Variants in IL1RAPL2 observed in about 807,000 individuals in gnomAD.
IL1RAPL2 encodes interleukin 1 receptor accessory protein like 2, also known as X-linked interleukin-1 receptor accessory protein-like 2.
A neutral mutation model predicts 44.1 loss-of-function variants in IL1RAPL2; 3 were observed. The observed-to-expected ratio is 0.07, with a 90% CI of 0.03 to 0.18. The LOEUF is 0.18. Among genes scored for constraint, IL1RAPL2 ranks in the 10% least tolerant of loss-of-function variants. IL1RAPL2 has a pLI of 1.00. For missense variants in IL1RAPL2, 391 were observed against 496.4 expected (o/e 0.79, Z 2.02); for synonymous variants, 181 against 178.8 (o/e 1.01, Z -0.10).
intron 2 of IL1RAPL2, among the ~76,000 whole-genome samples, chrX:104,989,722 C>A (rs1030539617): frequency 9.0e-6 from 1 of 110,699 alleles, no homozygotes; most frequent in Non-Finnish European, 1.9e-5. Flanking sequence ...TTAACCATGT[C>A]TGTAACTATA....
intron 2 of IL1RAPL2, among the ~76,000 whole-genome samples, chrX:104,671,582 T>C (rs150343230): frequency 1.8e-4 from 20 of 111,940 alleles, no homozygotes; most frequent in African/African-American, 6.5e-4. Flanking sequence ...GGTCATATTG[T>C]GATTTAGTTA....
chrX:104,881,493 A>G (rs1415938887), intron 2 of IL1RAPL2, among the ~76,000 whole-genome samples: 1 of 112,394 alleles, frequency 8.9e-6, no homozygotes, highest in Non-Finnish European at 1.9e-5. Flanking sequence ...ACAAAGAAAA[A>G]TAATTTCCAT....
intron 2 of IL1RAPL2, among the ~76,000 whole-genome samples, chrX:104,766,921 C>T (rs969969492): frequency 1.8e-5 from 2 of 112,021 alleles, no homozygotes; most frequent in East Asian, 5.6e-4. Context: ...TACACATTTG[C>T]AGGGTGGCTG....
intron 1 of IL1RAPL2, among the ~76,000 whole-genome samples, chrX:104,609,179 C>T (rs1929088258): frequency 8.9e-6 from 1 of 112,016 alleles, no homozygotes; most frequent in Non-Finnish European, 1.9e-5. Context: ...GAATATTGGC[C>T]CCCACTCTCT....
At chrX:105,367,003 T>C (rs754934186) in intron 5 of IL1RAPL2, among the ~76,000 whole-genome samples, 1 of 111,899 alleles carries the variant, frequency 8.9e-6, no homozygotes, top group Non-Finnish European at 1.9e-5. Flanking sequence ...GCTTGATTAG[T>C]TGCCCTGATG....
chrX:105,672,384 A>T (rs142301255), intron 6 of IL1RAPL2, among the ~76,000 whole-genome samples: 2 of 112,482 alleles, frequency 1.8e-5, no homozygotes, highest in African/African-American at 6.5e-5. Context: ...TGACAGCCAA[A>T]GTGAGAGTCT....
At chrX:105,634,134 G>A (rs997705873) in intron 6 of IL1RAPL2, among the ~76,000 whole-genome samples, 5 of 111,020 alleles carry the variant, frequency 4.5e-5, no homozygotes, top group Non-Finnish European at 9.5e-5. Flanking sequence ...CAGTGTCTAC[G>A]TGTCTGTACA....
chrX:105,100,033 T>C (rs1031764654), intron 2 of IL1RAPL2, among the ~76,000 whole-genome samples: 1 of 111,506 alleles, frequency 9.0e-6, no homozygotes, highest in African/African-American at 3.3e-5. Flanking sequence ...CAATAAGATA[T>C]TTTGAGAGAG....
chrX:105,116,076 G>A (rs1033262904), intron 2 of IL1RAPL2, among the ~76,000 whole-genome samples: 10 of 102,899 alleles, frequency 9.7e-5, no homozygotes, highest in Non-Finnish European at 2.0e-4. Context: ...CCTGGTTCCC[G>A]CCTGCGCCTC....
chrX:104,908,024 T>G (rs1193844736), intron 2 of IL1RAPL2, among the ~76,000 whole-genome samples: 18 of 110,996 alleles, frequency 1.6e-4, no homozygotes, highest in Non-Finnish European at 3.0e-4. Flanking sequence ...TAGTTAGCTC[T>G]TCTTGTTGAA....
intron 2 of IL1RAPL2, among the ~76,000 whole-genome samples, chrX:105,172,080 G>A (rs952462155): frequency 8.9e-6 from 1 of 112,432 alleles, no homozygotes; most frequent in African/African-American, 3.2e-5. Context: ...CCCATGGCAT[G>A]TGTGGAAGGC....
intron 5 of IL1RAPL2, among the ~76,000 whole-genome samples, chrX:105,387,870 C>T (rs1244449425): frequency 1.8e-5 from 2 of 108,647 alleles, no homozygotes; most frequent in African/African-American, 3.3e-5. Context: ...GTAATTGGGC[C>T]GGGCGCAGTG....
intron 4 of IL1RAPL2, among the ~76,000 whole-genome samples, chrX:105,266,125 T>C (rs2034400594): frequency 9.1e-6 from 1 of 109,787 alleles, no homozygotes; most frequent in East Asian, 2.8e-4. Context: ...CACTGCAAAC[T>C]CTGCCTCCTG....
At chrX:104,853,370 G>A (rs1353750504) in intron 2 of IL1RAPL2, among the ~76,000 whole-genome samples, 1 of 111,396 alleles carries the variant, frequency 9.0e-6, no homozygotes, top group African/African-American at 3.3e-5. Flanking sequence ...AAAGCCCTAG[G>A]CAATCTTTAA....
intron 2 of IL1RAPL2, among the ~76,000 whole-genome samples, chrX:104,947,331 A>T (rs999853551): frequency 3.1e-5 from 3 of 96,744 alleles, no homozygotes; most frequent in African/African-American, 1.1e-4. Flanking sequence ...TTGTCAGATG[A>T]GTAGGTTGTG....
Position 105,648,718 on chromosome X carries a change from A to G in IL1RAPL2, c.773-68649A>G, listed in dbSNP as rs210549. Among the ~76,000 whole-genome samples, 979 of 112,072 alleles carry G rather than the reference A, an allele frequency of 8.7e-3. 11 individuals carry two copies. The highest frequency in any genetic ancestry group is 0.083 in the South Asian group (221 of 2,656). ...AGTTGGCACTGAGCTATTGTAATGT[A>G]TTCTGTTTTCCAAGGCAACAAAACT... On this transcript the variant is annotated intron_variant, in intron 6 of 10. Transcript: ENST00000372582.
At chrX:104,817,033 A>C (rs946634356) in intron 2 of IL1RAPL2, among the ~76,000 whole-genome samples, 1 of 112,884 alleles carries the variant, frequency 8.9e-6, no homozygotes, top group African/African-American at 3.2e-5. Flanking sequence ...GGGAACTCTT[A>C]ATTTTTATGC....
At chrX:104,715,356 T>C (rs1192570814) in intron 2 of IL1RAPL2, among the ~76,000 whole-genome samples, 1 of 108,175 alleles carries the variant, frequency 9.2e-6, no homozygotes, top group Non-Finnish European at 1.9e-5. Flanking sequence ...TTGTGTTTTT[T>C]TGAATCTTCT....
In IL1RAPL2 at chrX:105,145,807, G is replaced by A. The variant is rs1367475276; in HGVS notation, c.83-49668G>A. On this transcript the variant is annotated intron_variant, in intron 2 of 10. Coordinates refer to ENST00000372582, the MANE Select transcript of IL1RAPL2 (RefSeq NM_017416.2). ...TCCTAAAAAATCCAATCTCGGCTGT[G>A]AATGACATTAACCCTGTTCTACCCT... is the stretch of plus-strand genomic sequence containing the variant. Among the ~76,000 whole-genome samples the A allele has an allele frequency of 2.7e-5, 3 of 111,507 alleles. No individual in the cohort carries two copies. In the Admixed American group the frequency reaches 2.9e-4, roughly 11 times the overall value.
Sources: gnomAD v4.1 joint callset for allele counts (sites outside exome capture counted in the v4.1 genomes callset) on GRCh38, gnomAD v4.1.1 for gene constraint, MANE v1.5 for transcripts, NCBI Gene and HGNC (gene_info 2026-07-23, HGNC 2026-07-21) for gene names.